Variants in AMMECR1 observed in about 807,000 individuals in gnomAD.
The protein encoded by AMMECR1 is nuclear protein AMMECR1.
AMMECR1 carries 3 observed loss-of-function variants against 22.5 expected under a neutral mutation model. The observed-to-expected ratio is 0.13, with a 90% CI of 0.06 to 0.35. AMMECR1 has a LOEUF of 0.35. Ranked by LOEUF, AMMECR1 falls within the 10% of genes least tolerant of loss-of-function variation. The pLI is 1.00. For missense variants in AMMECR1, 235 were observed against 278.7 expected (o/e 0.84, Z 1.12); for synonymous variants, 130 against 116.7 (o/e 1.11, Z -0.74).
intron 2 of AMMECR1, among the ~76,000 whole-genome samples, chrX:110,335,067 A>G (rs1346098361): frequency 8.9e-6 from 1 of 112,083 alleles, no homozygotes; most frequent in Non-Finnish European, 1.9e-5. Flanking sequence ...ATTCTACCAC[A>G]TAACAACTAC....
intron 3 of AMMECR1, among the ~76,000 whole-genome samples, chrX:110,203,908 G>A (rs1400689375): frequency 9.0e-6 from 1 of 111,551 alleles, no homozygotes; most frequent in Non-Finnish European, 1.9e-5. Context: ...TTTTATTAAA[G>A]CATATCTCTG....
At chrX:110,274,880 T>C (rs1357514797) in intron 1 of AMMECR1, among the ~76,000 whole-genome samples, 1 of 111,851 alleles carries the variant, frequency 8.9e-6, no homozygotes. Flanking sequence ...TATGCCCTTT[T>C]TAGTAATTTT....
intron 2 of AMMECR1, among the ~76,000 whole-genome samples, chrX:110,223,589 A>T (rs1327092584): frequency 8.9e-6 from 1 of 111,891 alleles, no homozygotes; most frequent in Non-Finnish European, 1.9e-5. Flanking sequence ...ATTTCCAGGG[A>T]TCTCATCCGT....
At chrX:110,199,031 C>A (rs1369122586) in intron 5 of AMMECR1, among the ~76,000 whole-genome samples, 1 of 111,720 alleles carries the variant, frequency 9.0e-6, no homozygotes, top group Non-Finnish European at 1.9e-5. Context: ...CATTAAGTAA[C>A]AACAACAAAA....
chrX:110,248,492 A>G (rs1029784452), intron 2 of AMMECR1, among the ~76,000 whole-genome samples: 4 of 112,288 alleles, frequency 3.6e-5, no homozygotes, highest in African/African-American at 1.3e-4. Flanking sequence ...AATAAGATGG[A>G]CACAGTCCAC....
upstream of AMMECR1, among the ~76,000 whole-genome samples, chrX:110,322,709 C>T (rs1489964596): frequency 1.8e-5 from 2 of 111,717 alleles, no homozygotes; most frequent in Non-Finnish European, 3.8e-5. Context: ...GAAATCTGAT[C>T]CCTATAACCT....
At chrX:110,310,198 C>A (rs942300522) in intron 1 of AMMECR1, among the ~76,000 whole-genome samples, 1 of 111,972 alleles carries the variant, frequency 8.9e-6, no homozygotes, top group African/African-American at 3.2e-5. Context: ...TAACTGCCAA[C>A]ACTTGGAACT....
At chrX:110,228,770 T>C (rs1316879858) in intron 2 of AMMECR1, among the ~76,000 whole-genome samples, 1 of 111,407 alleles carries the variant, frequency 9.0e-6, no homozygotes, top group African/African-American at 3.3e-5. Context: ...GCGTTTCTTA[T>C]CCACTCCACT....
intron 3 of AMMECR1, among the ~76,000 whole-genome samples, chrX:110,212,490 C>T (rs957421418): frequency 2.7e-5 from 3 of 111,934 alleles, no homozygotes; most frequent in Non-Finnish European, 5.6e-5. Flanking sequence ...AAAAGTGCTA[C>T]GTTAGAAGCT....
chrX:110,273,832 C>T (rs1005409311), intron 1 of AMMECR1, among the ~76,000 whole-genome samples: 1 of 112,023 alleles, frequency 8.9e-6, no homozygotes, highest in Non-Finnish European at 1.9e-5. Flanking sequence ...TTCCACTGAT[C>T]TGTTTGTCTA....
At chrX:110,249,876 G>C (rs1366745693) in intron 2 of AMMECR1, among the ~76,000 whole-genome samples, 1 of 110,751 alleles carries the variant, frequency 9.0e-6, no homozygotes, top group African/African-American at 3.3e-5. Context: ...CTCCAGCCTG[G>C]TGACAGAGCG....
At position 110,317,590 on chromosome X, in the gene AMMECR1, G is replaced by C. The variant is rs1448661864; in HGVS notation, c.473+9C>G. 8.6e-7 allele frequency: 1 copy of C among 1,165,905 alleles called. No individual in the cohort carries two copies. The highest frequency in any genetic ancestry group is 1.1e-6 in the Non-Finnish European group (1 of 869,810). Reference sequence around the variant, plus strand: ...CAAGGGAGAGGGCGGCGGAGGGCACGGTACTCACTAGGGCTCGTTGGTGAA... The same window carrying C: ...CAAGGGAGAGGGCGGCGGAGGGCACCGTACTCACTAGGGCTCGTTGGTGAA... On this transcript the variant is annotated intron_variant, in intron 1 of 5. Coordinates refer to ENST00000262844, the MANE Select transcript of AMMECR1 (RefSeq NM_015365.3).
intron 2 of AMMECR1, among the ~76,000 whole-genome samples, chrX:110,363,003 T>C (rs2068274343): frequency 1.8e-5 from 2 of 112,160 alleles, no homozygotes; most frequent in African/African-American, 6.5e-5. Context: ...AAAAGGAAGC[T>C]AGCATTTCAA....
intron 2 of AMMECR1, among the ~76,000 whole-genome samples, chrX:110,255,660 TG>T (rs1158990245): frequency 9.0e-6 from 1 of 111,727 alleles, no homozygotes; most frequent in East Asian, 2.8e-4. Flanking sequence ...TTAAAGCTTC[TG>T]AAGAATTTAT....
At chrX:110,211,404 T>C (rs1368709663) in intron 3 of AMMECR1, among the ~76,000 whole-genome samples, 1 of 112,197 alleles carries the variant, frequency 8.9e-6, no homozygotes, top group Non-Finnish European at 1.9e-5. Context: ...CTCCAGTCCA[T>C]TGTAATGTCT....
chrX:110,216,182 T>C (rs2067472562), intron 3 of AMMECR1, among the ~76,000 whole-genome samples: 2 of 111,875 alleles, frequency 1.8e-5, no homozygotes, highest in Non-Finnish European at 3.8e-5. Context: ...GTGGCGGTTA[T>C]ACCAGAGTGC....
chrX:110,435,319 G>A (rs2068830703), intron 1 of AMMECR1, among the ~76,000 whole-genome samples: 1 of 111,798 alleles, frequency 8.9e-6, no homozygotes, highest in Non-Finnish European at 1.9e-5. Context: ...ACAGCTGTGG[G>A]TTTGGGGCAG....
chrX:110,224,329 G>C (rs2067520165), intron 2 of AMMECR1, among the ~76,000 whole-genome samples: 1 of 110,993 alleles, frequency 9.0e-6, no homozygotes, highest in Non-Finnish European at 1.9e-5. Flanking sequence ...ATTATGCAAA[G>C]AGCCATGGAG....
chrX:110,367,384 T>A (rs2068304247), intron 2 of AMMECR1, among the ~76,000 whole-genome samples: 1 of 112,009 alleles, frequency 8.9e-6, no homozygotes, highest in South Asian at 3.7e-4. Flanking sequence ...ACCAAAATGA[T>A]TCATATCAAG....
Sources: allele counts gnomAD v4.1 joint callset (sites outside exome capture counted in the v4.1 genomes callset), GRCh38; gene constraint gnomAD v4.1.1; transcripts MANE v1.5; gene names NCBI Gene and HGNC (gene_info 2026-07-23, HGNC 2026-07-21).